Variants in PTPRD observed in about 807,000 individuals in gnomAD.
PTPRD encodes protein tyrosine phosphatase receptor type D.
In PTPRD, 34 loss-of-function variants were observed where a neutral mutation model predicts 214.5. The observed-to-expected ratio is 0.16, with a 90% CI of 0.12 to 0.21. PTPRD has a LOEUF of 0.21. Ranked by LOEUF, PTPRD falls within the 10% of genes least tolerant of loss-of-function variation. The probability of loss-of-function intolerance (pLI) is 1.00; values close to 1 mark genes in which losing one functional copy is unlikely to be tolerated. For synonymous variants in PTPRD, 1,128 were observed against 845.7 expected, an observed-to-expected ratio of 1.33 and a Z score of -5.79; for missense variants, 2,545 against 2,398.7, an observed-to-expected ratio of 1.06 and a Z score of -1.27.
intron 10 of PTPRD, among the ~76,000 whole-genome samples, chr9:9,020,957 T>C (rs1482806790): frequency 2.0e-5 from 3 of 152,200 alleles, no homozygotes; most frequent in African/African-American, 4.8e-5. Flanking sequence ...TTCTTATGTT[T>C]TTTTAGAGAC....
chr9:9,391,767 C>G (rs970962747), intron 9 of PTPRD, among the ~76,000 whole-genome samples: 1 of 152,118 alleles, frequency 6.6e-6, no homozygotes, highest in Non-Finnish European at 1.5e-5. Flanking sequence ...GGCCCTGCCT[C>G]TAGTCATAAT....
intron 11 of PTPRD, among the ~76,000 whole-genome samples, chr9:8,836,838 C>T (rs1440542298): frequency 6.6e-6 from 1 of 151,552 alleles, no homozygotes; most frequent in South Asian, 2.1e-4. Context: ...CCTCGTGATC[C>T]ACCCAACAGC....
intron 8 of PTPRD, among the ~76,000 whole-genome samples, chr9:9,412,195 AACAG>A (rs2075667099): frequency 6.6e-6 from 1 of 152,186 alleles, no homozygotes; most frequent in Non-Finnish European, 1.5e-5. Flanking sequence ...CTGTTTTACA[AACAG>A]ACAAATGACC....
intron 6 of PTPRD, among the ~76,000 whole-genome samples, chr9:9,747,703 C>T (rs757665664): frequency 6.6e-6 from 1 of 151,990 alleles, no homozygotes; most frequent in Non-Finnish European, 1.5e-5. Flanking sequence ...CCCACCACCA[C>T]ACCTGGCTAA....
At chr9:8,808,672 C>T (rs942128542) in intron 11 of PTPRD, among the ~76,000 whole-genome samples, 3 of 151,778 alleles carry the variant, frequency 2.0e-5, no homozygotes, top group South Asian at 4.2e-4. Flanking sequence ...TCTTTTTGAC[C>T]TTGTAAATTA....
intron 44 of PTPRD, among the ~76,000 whole-genome samples, chr9:8,322,528 C>G (rs1048405264): frequency 6.6e-6 from 1 of 152,160 alleles, no homozygotes; most frequent in Non-Finnish European, 1.5e-5. Context: ...GAGCAAGGCC[C>G]TAACTCTCTT....
intron 12 of PTPRD, among the ~76,000 whole-genome samples, chr9:8,694,865 G>C (rs908048651): frequency 6.6e-6 from 1 of 152,008 alleles, no homozygotes; most frequent in African/African-American, 2.4e-5. Context: ...CCATGGCTTG[G>C]AACTGTAAGC....
chr9:10,406,266 G>A (rs1473741135), intron 2 of PTPRD, among the ~76,000 whole-genome samples: 1 of 151,346 alleles, frequency 6.6e-6, no homozygotes, highest in Non-Finnish European at 1.5e-5. Context: ...AATTTTATTA[G>A]TTTATTCATC....
At chr9:9,899,468 T>A (rs551730434) in intron 5 of PTPRD, among the ~76,000 whole-genome samples, 1 of 152,188 alleles carries the variant, frequency 6.6e-6, no homozygotes, top group African/African-American at 2.4e-5. Flanking sequence ...ACACAATTCA[T>A]CAGGGAAATG....
intron 5 of PTPRD, among the ~76,000 whole-genome samples, chr9:9,836,063 T>A (rs1599217312): frequency 6.6e-6 from 1 of 152,276 alleles, no homozygotes; most frequent in East Asian, 1.9e-4. Context: ...CACATCTTTC[T>A]GGAAGAGATG....
intron 11 of PTPRD, among the ~76,000 whole-genome samples, chr9:8,919,194 A>G (rs1270639083): frequency 6.6e-6 from 1 of 152,122 alleles, no homozygotes; most frequent in African/African-American, 2.4e-5. Context: ...GGAGTTCAAG[A>G]CCAGCCTGGT....
chr9:9,141,282 C>G (rs539145278), intron 10 of PTPRD, among the ~76,000 whole-genome samples: 31 of 150,260 alleles, frequency 2.1e-4, no homozygotes, highest in African/African-American at 6.9e-4. Flanking sequence ...TGAGGCACTA[C>G]AGACCCTAGG....
intron 2 of PTPRD, among the ~76,000 whole-genome samples, chr9:10,405,435 A>T (rs1394776571): frequency 2.0e-5 from 3 of 151,690 alleles, no homozygotes; most frequent in Non-Finnish European, 4.4e-5. Context: ...ACAGATAATA[A>T]TACTTCAACC....
chr9:10,371,362 T>C (rs1326605314), intron 2 of PTPRD, among the ~76,000 whole-genome samples: 1 of 152,062 alleles, frequency 6.6e-6, no homozygotes, highest in Non-Finnish European at 1.5e-5. Flanking sequence ...CATATTAGTA[T>C]TATGTTTATT....
At chr9:10,238,176 G>T (rs977974437) in intron 3 of PTPRD, among the ~76,000 whole-genome samples, 23 of 61,380 alleles carry the variant, frequency 3.7e-4, no homozygotes, top group Middle Eastern at 9.1e-3. Flanking sequence ...TGTCATACCT[G>T]CTCTAAAGGA....
chr9:8,538,066 A>T (rs2077386333), intron 14 of PTPRD, among the ~76,000 whole-genome samples: 1 of 152,002 alleles, frequency 6.6e-6, no homozygotes, highest in Admixed American at 6.6e-5. Flanking sequence ...ATACTTAGGC[A>T]TCAGGGAAAC....
At chr9:10,359,895 C>T (rs1485789188) in intron 2 of PTPRD, among the ~76,000 whole-genome samples, 1 of 152,090 alleles carries the variant, frequency 6.6e-6, no homozygotes, top group Non-Finnish European at 1.5e-5. Flanking sequence ...AAGAGTGTTA[C>T]AGGCTGTTGG....
intron 11 of PTPRD, among the ~76,000 whole-genome samples, chr9:8,961,055 A>C (rs1588919483): frequency 6.6e-6 from 1 of 152,114 alleles, no homozygotes; most frequent in East Asian, 1.9e-4. Flanking sequence ...AATATATAAT[A>C]AGTAGTTTAT....
At chr9:8,381,657 A>G (rs983344790) in intron 37 of PTPRD, among the ~76,000 whole-genome samples, 4 of 152,352 alleles carry the variant, frequency 2.6e-5, no homozygotes, top group African/African-American at 9.6e-5. Flanking sequence ...ATACAGCCAT[A>G]AAGTTGAAAA....
Sources: gnomAD v4.1 joint callset for allele counts (sites outside exome capture counted in the v4.1 genomes callset) on GRCh38, gnomAD v4.1.1 for gene constraint, MANE v1.5 for transcripts, NCBI Gene and HGNC (gene_info 2026-07-23, HGNC 2026-07-21) for gene names.